The following ZC3H8 variants were observed in gnomAD, a reference collection of about 807,000 sequenced individuals.
ZC3H8 encodes zinc finger CCCH-type containing 8, also known as zinc finger CCCH domain-containing protein 8.
A neutral mutation model predicts 42.5 loss-of-function variants in ZC3H8; 27 were observed. The ratio of observed to expected loss-of-function variants is 0.64; its 90% CI spans 0.47 to 0.88. The LOEUF (loss-of-function observed/expected upper bound fraction) is 0.88. ZC3H8 is among the 40% of genes least tolerant of loss of function. The pLI, the probability that ZC3H8 is intolerant of heterozygous loss-of-function variation, is 0.00. For missense variants in ZC3H8, 277 were observed against 336.1 expected (o/e 0.82, Z 1.37); for synonymous variants, 101 against 110.1 (o/e 0.92, Z 0.52).
intron 2 of ZC3H8, among the ~76,000 whole-genome samples, chr2:112,247,624 A>G (rs1685805517): frequency 6.6e-6 from 1 of 152,240 alleles, no homozygotes; most frequent in Non-Finnish European, 1.5e-5. Flanking sequence ...TATTTATTTG[A>G]TAATGTATTC....
intron 8 of ZC3H8, among the ~76,000 whole-genome samples, chr2:112,226,023 A>C (rs923816510): frequency 6.6e-6 from 1 of 152,014 alleles, no homozygotes; most frequent in African/African-American, 2.4e-5. Context: ...TAGAGGTTGC[A>C]GTGAGTTGAG....
Position 112,234,199 on chromosome 2 carries a change from T to A in ZC3H8, c.542A>T (p.Gln181Leu), listed in dbSNP as rs749495265. 5.6e-6 allele frequency: 9 copies of A among 1,609,704 alleles called. No homozygotes were observed. In the East Asian group the frequency reaches 1.8e-4, roughly 32 times the overall value. ...CACTGTATGTTGGTTGATGAATGCC[T>A]GACTCAAATGCTGCTGCTTCTCTTT... ...KPKEKQQHLS[Q>L]AFINQHTVER... The change falls in exon 5 of 9, where the codon CAG (glutamine) becomes CTG (leucine). Residue 181 changes from glutamine (Q) to leucine (L), a missense_variant. Coordinates refer to ENST00000409573, the MANE Select transcript of ZC3H8 (RefSeq NM_032494.3).
At chr2:112,237,503 G>A (rs527908752) in intron 3 of ZC3H8, among the ~76,000 whole-genome samples, 8 of 151,826 alleles carry the variant, frequency 5.3e-5, no homozygotes, top group Non-Finnish European at 7.4e-5. Context: ...CTGGAGCCTC[G>A]AACTCCTGGG....
At chr2:112,248,116 T>C (rs1181982963) in intron 2 of ZC3H8, among the ~76,000 whole-genome samples, 5 of 152,114 alleles carry the variant, frequency 3.3e-5, no homozygotes, top group Non-Finnish European at 7.4e-5. Context: ...ACTTGAGCTC[T>C]GGAGTTTGAG....
chr2:112,250,396 T>C (rs1439808723), intron 1 of ZC3H8, 124 bp from the exon 2 acceptor site: 1 of 560,402 alleles, frequency 1.8e-6, no homozygotes, highest in Non-Finnish European at 2.9e-6. Context: ...CAAATTCAAA[T>C]TCTATACCAA....
In ZC3H8 at chr2:112,214,713, G is replaced by C. The variant is rs1684263990; in HGVS notation, c.*1771C>G. 6.6e-6 allele frequency: 1 copy of C among 152,212 alleles called. No homozygotes were observed. Among genetic ancestry groups the C allele is most frequent in the Non-Finnish European group, 1.5e-5 (1 of 68,100 alleles). The allele number at this position is 152,212 out of a possible 1,614,324, so 9.4% of individuals were successfully genotyped here. A position where few individuals can be genotyped will look rare whatever the true frequency, so the allele number is the denominator to read the frequency against. The stretch of plus-strand genomic sequence containing the variant: ...CTCGGAAATCTGCTCTGAGGAACCA[G>C]AGCAAACTGTACAGAGGAAAGGGGA... On this transcript the variant is annotated 3_prime_UTR_variant, in exon 9 of 9. Coordinates refer to ENST00000409573, the MANE Select transcript of ZC3H8 (RefSeq NM_032494.3).
chr2:112,221,699 C>G (rs113039497), intron 8 of ZC3H8, among the ~76,000 whole-genome samples: 1 of 152,004 alleles, frequency 6.6e-6, no homozygotes, highest in East Asian at 1.9e-4. Flanking sequence ...CTAGTGTGTT[C>G]TTCAGCTTTA....
chr2:112,218,112 A>G (rs1684409296), intron 8 of ZC3H8, among the ~76,000 whole-genome samples: 1 of 152,202 alleles, frequency 6.6e-6, no homozygotes, highest in Non-Finnish European at 1.5e-5. Context: ...TCAGCTTGCA[A>G]CTCAGATAAC....
In ZC3H8 at chr2:112,211,954, C is replaced by T. The variant is rs1002241709; in HGVS notation, c.*4530G>A. Reference sequence around the variant, plus strand: ...TATCTACTCTTCCTAGTTTTCTGCTCCTTATTATGAAAATAGCCCTCCCCA... The same window carrying T: ...TATCTACTCTTCCTAGTTTTCTGCTTCTTATTATGAAAATAGCCCTCCCCA... On this transcript the variant is annotated 3_prime_UTR_variant, in exon 9 of 9. Transcript: ENST00000409573. The T allele has an allele frequency of 2.6e-5, 4 of 152,160 alleles. No individual in the cohort carries two copies. Among genetic ancestry groups the T allele is most frequent in the Non-Finnish European group, 5.9e-5 (4 of 68,034 alleles). The allele number at this position is 152,160 out of a possible 1,614,324, so 9.4% of individuals were successfully genotyped here.
chr2:112,224,482 C>G (rs1437448719), intron 8 of ZC3H8, among the ~76,000 whole-genome samples: 2 of 152,200 alleles, frequency 1.3e-5, no homozygotes, highest in Non-Finnish European at 2.9e-5. Context: ...ATAGCAGTCT[C>G]TTTAAAACCC....
intron 2 of ZC3H8, among the ~76,000 whole-genome samples, chr2:112,247,910 C>T (rs1685813307): frequency 6.6e-6 from 1 of 152,230 alleles, no homozygotes; most frequent in Admixed American, 6.5e-5. Context: ...AACCTTGGCT[C>T]TCATCTTTGG....
At chr2:112,233,740 G>T (rs1685193275) in intron 5 of ZC3H8, among the ~76,000 whole-genome samples, 1 of 152,050 alleles carries the variant, frequency 6.6e-6, no homozygotes, top group African/African-American at 2.4e-5. Context: ...GTGGTGGCTA[G>T]CGTCTGTAGT....
chr2:112,220,688 G>A (rs1017584739), intron 8 of ZC3H8, among the ~76,000 whole-genome samples: 1 of 152,190 alleles, frequency 6.6e-6, no homozygotes, highest in Non-Finnish European at 1.5e-5. Flanking sequence ...AGGCATGGTG[G>A]TGCGTGCCTG....
Position 112,255,020 on chromosome 2 carries a change from A to T in ZC3H8, c.-39T>A. 1 of 1,569,436 alleles carries T rather than the reference A, an allele frequency of 6.4e-7. No homozygotes were observed. Among genetic ancestry groups the T allele is most frequent in the Non-Finnish European group, 8.6e-7 (1 of 1,158,154 alleles). On this transcript the variant is annotated 5_prime_UTR_variant, in exon 1 of 9. Transcript: ENST00000409573. ...CCTCCCTTTCGCGAGCCGGGAAGCT[A>T]CAGAGTAACAACCCGAGAGAGTGAC... is the stretch of plus-strand genomic sequence containing the variant.
In ZC3H8 at chr2:112,215,385, T is replaced by C. The variant is rs1684282601; in HGVS notation, c.*1099A>G. On this transcript the variant is annotated 3_prime_UTR_variant, in exon 9 of 9. Transcript: ENST00000409573. Reference sequence around the variant, plus strand: ...CCTCAGTTTCCTGCTTCTAAGGGCCTAGGATTTACCCTTGTTTCCTGCTTT... The same window carrying C: ...CCTCAGTTTCCTGCTTCTAAGGGCCCAGGATTTACCCTTGTTTCCTGCTTT... 1 of 152,258 alleles carries C rather than the reference T, an allele frequency of 6.6e-6. No individual in the cohort carries two copies. Among genetic ancestry groups the C allele is most frequent in the Non-Finnish European group, 1.5e-5 (1 of 68,048 alleles). 9.4% of individuals were successfully genotyped at this position (152,258 alleles called of 1,614,324 possible).
chr2:112,252,568 C>T (rs1239215287), intron 1 of ZC3H8, among the ~76,000 whole-genome samples: 2 of 152,164 alleles, frequency 1.3e-5, no homozygotes, highest in Non-Finnish European at 2.9e-5. Flanking sequence ...AAGCCAAAGT[C>T]CTTATTTCGG....
intron 7 of ZC3H8, 62 bp from the exon 8 acceptor site, chr2:112,231,012 G>A: frequency 9.9e-7 from 1 of 1,012,908 alleles, no homozygotes; most frequent in Non-Finnish European, 1.3e-6. Flanking sequence ...CAGGTATACT[G>A]TCATATTCAT....
intron 5 of ZC3H8, 48 bp downstream of exon 5, chr2:112,234,068 CAGAA>C: frequency 9.5e-7 from 1 of 1,050,290 alleles, no homozygotes; most frequent in Non-Finnish European, 1.4e-6. Flanking sequence ...GAGTATCAAA[CAGAA>C]AGAGCAGTTT....
At chr2:112,254,048 CTCTT>C (rs1686044209) in intron 1 of ZC3H8, 2 of 921,150 alleles carry the variant, frequency 2.2e-6, no homozygotes, top group Non-Finnish European at 1.3e-6. Flanking sequence ...GCATCATCTT[CTCTT>C]TAAGTTTGTT....
Sources: gnomAD v4.1 joint callset for allele counts (sites outside exome capture counted in the v4.1 genomes callset) on GRCh38, gnomAD v4.1.1 for gene constraint, MANE v1.5 for transcripts, NCBI Gene and HGNC (gene_info 2026-07-23, HGNC 2026-07-21) for gene names.